The following RCSD1 variants were observed in gnomAD, a reference collection of about 807,000 sequenced individuals.
RCSD1 encodes RCSD domain containing 1, also known as capZ-interacting protein.
RCSD1 carries 26 observed loss-of-function variants against 42.5 expected under a neutral mutation model. The ratio of observed to expected loss-of-function variants is 0.61; its 90% CI spans 0.45 to 0.85. RCSD1 has a LOEUF of 0.85. RCSD1 is among the 40% of genes least tolerant of loss of function. The pLI, the probability that RCSD1 is intolerant of heterozygous loss-of-function variation, is 0.00. For synonymous variants in RCSD1, 220 were observed against 212.2 expected, an observed-to-expected ratio of 1.04 and a Z score of -0.32; for missense variants, 571 against 528.3, an observed-to-expected ratio of 1.08 and a Z score of -0.79.
At chr1:167,688,850 T>A (rs1362679899) in intron 3 of RCSD1, among the ~76,000 whole-genome samples, 1 of 152,146 alleles carries the variant, frequency 6.6e-6, no homozygotes, top group African/African-American at 2.4e-5. Context: ...TATGGGGAGA[T>A]CCCTCCTCTG....
chr1:167,657,210 C>T (rs1174161858), intron 1 of RCSD1, among the ~76,000 whole-genome samples: 1 of 152,204 alleles, frequency 6.6e-6, no homozygotes, highest in Non-Finnish European at 1.5e-5. Flanking sequence ...CTGGTGAATA[C>T]ATGACTCCTT....
At chr1:167,698,949 G>A (rs577967120) in intron 6 of RCSD1, among the ~76,000 whole-genome samples, 4 of 152,108 alleles carry the variant, frequency 2.6e-5, no homozygotes, top group Admixed American at 2.0e-4. Context: ...ACAGGCGCCC[G>A]CCACCACGCC....
At chr1:167,667,158 G>T (rs1055601600) in intron 1 of RCSD1, among the ~76,000 whole-genome samples, 1 of 152,200 alleles carries the variant, frequency 6.6e-6, no homozygotes, top group Non-Finnish European at 1.5e-5. Context: ...AGCTGAGTAG[G>T]CTTCAAGGGA....
intron 6 of RCSD1, among the ~76,000 whole-genome samples, chr1:167,704,372 C>T (rs1451974102): frequency 6.6e-6 from 1 of 152,204 alleles, no homozygotes; most frequent in African/African-American, 2.4e-5. Context: ...AAAATCCTGA[C>T]TTCACCACTT....
intron 2 of RCSD1, 149 bp downstream of exon 2, chr1:167,684,150 G>A: frequency 1.5e-6 from 1 of 657,210 alleles, no homozygotes. Context: ...CTCTGAATGT[G>A]AGGAATGTCT....
intron 1 of RCSD1, among the ~76,000 whole-genome samples, chr1:167,650,060 T>C (rs1339615817): frequency 6.6e-6 from 1 of 152,184 alleles, no homozygotes; most frequent in East Asian, 1.9e-4. Context: ...ACTAAATTGC[T>C]GTGGGATCTT....
chr1:167,703,339 G>T (rs546652265), intron 6 of RCSD1, among the ~76,000 whole-genome samples: 52 of 151,964 alleles, frequency 3.4e-4, no homozygotes, highest in Non-Finnish European at 6.6e-4. Context: ...CATGACCAGC[G>T]CTTTGTGGGA....
intron 1 of RCSD1, among the ~76,000 whole-genome samples, chr1:167,683,325 C>A (rs1335555325): frequency 6.6e-6 from 1 of 152,210 alleles, no homozygotes; most frequent in Non-Finnish European, 1.5e-5. Context: ...AAGCCATTTG[C>A]CCCAGGTCCC....
At position 167,697,550 on chromosome 1, in the gene RCSD1, C is replaced by T; in HGVS notation, c.926C>T (p.Ala309Val). ...GAGGAAAAGCCAGCTGGAGAGGAAG[C>T]AGAGATGGAAAAGGCTACAGAGGTG... ...PREEKPAGEE[A>V]EMEKATEVKG... The change falls in exon 6 of 7, where the codon GCA becomes GTA. Residue 309 changes from alanine (A) to valine (V), a missense_variant. Coordinates refer to ENST00000367854, the MANE Select transcript of RCSD1 (RefSeq NM_052862.4). 6.2e-7 allele frequency: 1 copy of T among 1,606,400 alleles called. No individual in the cohort carries two copies. Among genetic ancestry groups the T allele is most frequent in the Non-Finnish European group, 8.5e-7 (1 of 1,176,566 alleles).
intron 1 of RCSD1, among the ~76,000 whole-genome samples, chr1:167,668,757 G>C (rs1658723054): frequency 6.6e-6 from 1 of 151,868 alleles, no homozygotes; most frequent in East Asian, 1.9e-4. Flanking sequence ...AAAAAAAGAG[G>C]GAGCTGCCAA....
chr1:167,690,245 C>A, intron 4 of RCSD1, 125 bp downstream of exon 4: 1 of 777,216 alleles, frequency 1.3e-6, no homozygotes, highest in Non-Finnish European at 2.1e-6. Flanking sequence ...CCCCAATAAT[C>A]AGCCAGTGAT....
At position 167,706,499 on chromosome 1, in the gene RCSD1, A is replaced by C. The variant is rs1659761017; in HGVS notation, c.*1803A>C. 6.6e-6 allele frequency among the ~76,000 whole-genome samples: 1 copy of C among 152,204 alleles called. No homozygotes were observed. The highest frequency in any genetic ancestry group is 6.5e-5 in the Admixed American group (1 of 15,278). ...CCACTTTACTTGAGGAAGGCATGGA[A>C]CAGAAAGTATGGGGTTTAGATATGA... On this transcript the variant is annotated 3_prime_UTR_variant, in exon 7 of 7. Transcript: ENST00000367854.
rs575049390 is a variant in RCSD1, at chr1:167,643,971, G to C, written c.6+13542G>C. On this transcript the variant is annotated intron_variant, in intron 1 of 6. Coordinates refer to ENST00000367854, the MANE Select transcript of RCSD1 (RefSeq NM_052862.4). ...AGCCTGAGAGTTTGACAGAGGGGTG[G>C]TTATTGCATCCTGCCTGCAAAACTG... 2.0e-5 allele frequency among the ~76,000 whole-genome samples: 3 copies of C among 152,258 alleles called. No individual in the cohort carries two copies. In the East Asian group the frequency reaches 5.8e-4, roughly 29 times the overall value.
At chr1:167,647,138 A>AAAAAAAAAAAAG (rs1173854956) in intron 1 of RCSD1, among the ~76,000 whole-genome samples, 9 of 151,210 alleles carry the variant, frequency 6.0e-5, no homozygotes, top group Non-Finnish European at 8.9e-5. Flanking sequence ...CTCAAAAAAA[A>AAAAAAAAAAAAG]AGAGAGAGAG....
intron 3 of RCSD1, among the ~76,000 whole-genome samples, chr1:167,689,492 A>AAAAG (rs1659322011): frequency 6.7e-6 from 1 of 148,452 alleles, no homozygotes; most frequent in Admixed American, 6.6e-5. Flanking sequence ...AAAAAAAAAA[A>AAAAG]AAAAAGAAAA....
chr1:167,650,305 G>A (rs969180593), intron 1 of RCSD1, among the ~76,000 whole-genome samples: 1 of 152,244 alleles, frequency 6.6e-6, no homozygotes, highest in Non-Finnish European at 1.5e-5. Flanking sequence ...GGATGTGTGT[G>A]TGTTGGGGTG....
Position 167,685,407 on chromosome 1 carries a change from C to G in RCSD1, c.109-14C>G, listed in dbSNP as rs7520818. On this transcript the variant is annotated splice_polypyrimidine_tract_variant and intron_variant, in intron 2 of 6. Transcript: ENST00000367854. ...TCTTTTTCTCTGTGTGTCTGTCTGT[C>G]GCCCTCCCTCCAGACACCAGCCAGT... 10 of 1,605,050 alleles carry G rather than the reference C, an allele frequency of 6.2e-6. No homozygotes were observed. The highest frequency in any genetic ancestry group is 8.5e-6 in the Non-Finnish European group (10 of 1,172,630).
intron 1 of RCSD1, 98 bp from the exon 2 acceptor site, chr1:167,683,802 C>T: frequency 9.0e-7 from 1 of 1,116,576 alleles, no homozygotes; most frequent in Non-Finnish European, 1.3e-6. Context: ...AAATACCTCA[C>T]TGTCACAGCA....
chr1:167,708,269 C>A lies in RCSD1; in HGVS notation c.*3573C>A, dbSNP rs1477232659. On this transcript the variant is annotated 3_prime_UTR_variant, in exon 7 of 7. Transcript: ENST00000367854. ...CCAAAGTGAAATCAGGGTGCTGTTA[C>A]CAAAAGAAGCTATGCTGGCAGGCAA... Among the ~76,000 whole-genome samples the A allele has an allele frequency of 6.6e-6, 1 of 152,200 alleles. No homozygotes were observed. The highest frequency in any genetic ancestry group is 2.4e-5 in the African/African-American group (1 of 41,446).
Sources: allele counts gnomAD v4.1 joint callset (sites outside exome capture counted in the v4.1 genomes callset), GRCh38; gene constraint gnomAD v4.1.1; transcripts MANE v1.5; gene names NCBI Gene and HGNC (gene_info 2026-07-23, HGNC 2026-07-21).